Variants in LIAT1 observed in about 807,000 individuals in gnomAD.
LIAT1 encodes ligand of ATE1, also known as protein LIAT1.
At chr17:412,585 A>T in the LIAT1 span, among the ~76,000 whole-genome samples, 1 of 152,136 alleles carries the variant, frequency 6.6e-6, no homozygotes, top group Non-Finnish European at 1.5e-5. Flanking sequence ...AAAAAAAAAA[A>T]TCAGTACAAG....
chr17:410,746 A>T, the LIAT1 span: 1 of 1,166,928 alleles, frequency 8.6e-7, no homozygotes, highest in Non-Finnish European at 1.2e-6. Context: ...ACAGAAGCTC[A>T]GTGGTCCCGG....
chr17:413,294 G>C, the LIAT1 span: 2 of 1,614,048 alleles, frequency 1.2e-6, no homozygotes, highest in Non-Finnish European at 1.7e-6. Context: ...CTCCTCCACC[G>C]TCAGCCTCCC....
chr17:412,988 C>A, the LIAT1 span: 1 of 714,730 alleles, frequency 1.4e-6, no homozygotes, highest in Non-Finnish European at 2.3e-6. Flanking sequence ...AGCAAAATCA[C>A]ACAGGCAGGT....
chr17:413,368 T>C, the LIAT1 span: 1 of 1,614,244 alleles, frequency 6.2e-7, no homozygotes, highest in Non-Finnish European at 8.5e-7. Flanking sequence ...GGGATGGAAT[T>C]CTTGCTGACC....
chr17:410,680 C>T, the LIAT1 span: 21 of 1,531,022 alleles, frequency 1.4e-5, no homozygotes, highest in East Asian at 1.7e-4. Flanking sequence ...TGCGTCAGCT[C>T]CGGTTCCCTG....
the LIAT1 span, among the ~76,000 whole-genome samples, chr17:412,538 T>C: frequency 6.6e-6 from 1 of 152,122 alleles, no homozygotes; most frequent in Admixed American, 6.5e-5. Flanking sequence ...TAGCATTTTA[T>C]GTGCATGTTA....
the LIAT1 span, chr17:410,548 G>T: frequency 2.6e-6 from 4 of 1,546,702 alleles, no homozygotes; most frequent in South Asian, 3.6e-5. Flanking sequence ...CGGGGGTCTA[G>T]ACTGCCCCCC....
At chr17:413,140 C>T in the LIAT1 span, 2 of 1,613,310 alleles carry the variant, frequency 1.2e-6, no homozygotes, top group East Asian at 4.5e-5. Context: ...TGCTCATCTA[C>T]TCAGCAGATA....
the LIAT1 span, chr17:414,117 A>T: frequency 3.1e-6 from 5 of 1,609,544 alleles, no homozygotes; most frequent in Non-Finnish European, 4.2e-6. The surrounding 1 kb of genome is among the most constrained non-coding windows in gnomAD (Gnocchi z 4.1). Flanking sequence ...CTGGAGTGAA[A>T]ATCTACCCAC....
chr17:413,919 C>T, the LIAT1 span: 2 of 1,614,124 alleles, frequency 1.2e-6, no homozygotes, highest in Non-Finnish European at 1.7e-6. Flanking sequence ...CACCCCGACC[C>T]CGAGGCCCTC....
chr17:414,229 G>T, the LIAT1 span: 2 of 1,331,552 alleles, frequency 1.5e-6, no homozygotes, highest in Middle Eastern at 4.8e-4. This position sits in a 1 kb window ranked among gnomAD's most constrained non-coding sequence, Gnocchi z 4.1. Flanking sequence ...ACAGATGTTC[G>T]GTACACGGAC....
the LIAT1 span, among the ~76,000 whole-genome samples, chr17:412,295 C>CA: frequency 1.3e-5 from 2 of 148,456 alleles, no homozygotes; most frequent in Admixed American, 1.3e-4. Context: ...GAGTGAGACT[C>CA]AGTCTCAAAA....
chr17:410,552 GC>G, the LIAT1 span: 6 of 1,546,826 alleles, frequency 3.9e-6, no homozygotes, highest in South Asian at 3.6e-5. Flanking sequence ...GGTCTAGACT[GC>G]CCCCCATCAC....
At chr17:414,099 C>T in the LIAT1 span, 1 of 1,613,468 alleles carries the variant, frequency 6.2e-7, no homozygotes, top group Non-Finnish European at 8.5e-7. The surrounding 1 kb of genome is among the most constrained non-coding windows in gnomAD (Gnocchi z 4.1). Context: ...GACTTAGCTC[C>T]TACTCTGCTG....
chr17:412,040 A>G, the LIAT1 span, among the ~76,000 whole-genome samples: 1 of 152,236 alleles, frequency 6.6e-6, no homozygotes, highest in Non-Finnish European at 1.5e-5. Flanking sequence ...CAGGCGTAAT[A>G]CAAAGGCAAG....
At chr17:410,849 C>T in the LIAT1 span, among the ~76,000 whole-genome samples, 1 of 152,168 alleles carries the variant, frequency 6.6e-6, no homozygotes, top group African/African-American at 2.4e-5. Context: ...TCTGCGGTCC[C>T]TTAGCCCCAC....
the LIAT1 span, chr17:410,368 C>G: frequency 1.3e-6 from 2 of 1,507,520 alleles, no homozygotes; most frequent in Non-Finnish European, 8.8e-7. Flanking sequence ...CCTGGCCTGG[C>G]GGTCCGCGCT....
the LIAT1 span, among the ~76,000 whole-genome samples, chr17:412,316 C>T: frequency 1.6e-4 from 24 of 150,078 alleles, no homozygotes; most frequent in African/African-American, 4.8e-4. Context: ...AAAAAAAAAG[C>T]CCTGTGTGTA....
the LIAT1 span, among the ~76,000 whole-genome samples, chr17:412,270 C>G: frequency 6.6e-6 from 1 of 151,496 alleles, no homozygotes; most frequent in East Asian, 1.9e-4. Context: ...CCACTGTGCT[C>G]CAGCCTGGGT....
Sources: allele counts gnomAD v4.1 joint callset (sites outside exome capture counted in the v4.1 genomes callset), GRCh38; gene constraint gnomAD v4.1.1; non-coding constraint Gnocchi (gnomAD v3.1); transcripts MANE v1.5; gene names NCBI Gene and HGNC (gene_info 2026-07-23, HGNC 2026-07-21).